Variants in CUX1 observed in about 807,000 individuals in gnomAD.
CUX1 encodes cut like homeobox 1.
Under a neutral mutation model 158.8 loss-of-function variants are expected in CUX1, and 31 were observed. That is an observed-to-expected ratio of 0.20 (90% CI 0.15 to 0.26). The LOEUF (loss-of-function observed/expected upper bound fraction) is 0.26, where lower values mean the gene tolerates loss of function less well. Ranked by LOEUF, CUX1 falls within the 10% of genes least tolerant of loss-of-function variation. CUX1 has a pLI of 1.00. For missense variants in CUX1, 1,589 were observed against 2,014.6 expected, an observed-to-expected ratio of 0.79 and a Z score of 4.04; for synonymous variants, 879 against 862.1, an observed-to-expected ratio of 1.02 and a Z score of -0.34.
intron 23 of CUX1, among the ~76,000 whole-genome samples, chr7:102,243,875 A>C (rs1473708120): frequency 2.0e-5 from 3 of 151,816 alleles, no homozygotes; most frequent in Non-Finnish European, 4.4e-5. Flanking sequence ...TAAAAATACA[A>C]AATTAGCCCG....
Position 102,178,507 on chromosome 7 carries a change from A to G in CUX1, c.867A>G (p.Glu289=), listed in dbSNP as rs974682152. 6.2e-7 allele frequency: 1 copy of G among 1,612,492 alleles called. No individual in the cohort carries two copies. The highest frequency in any genetic ancestry group is 8.5e-7 in the Non-Finnish European group (1 of 1,178,750). ...AGGTGCTGACCCGCTCCAGCCTAGAAGTTGAGTTGGCCGCCAAGGAGCGGG... is the reference window on the plus strand; with the variant it reads ...AGGTGCTGACCCGCTCCAGCCTAGAGGTTGAGTTGGCCGCCAAGGAGCGGG... The part of the protein sequence containing the change: ...AIEVLTRSSL[E]VELAAKEREI... Residue 289 remains glutamate, a synonymous_variant, in exon 11 of 24, where the codon GAA becomes GAG. Coordinates refer to ENST00000292535, the MANE Select transcript of CUX1 (RefSeq NM_181552.4).
chr7:102,028,188 G>A, intron 3 of CUX1, 43 bp downstream of exon 3: 1 of 1,599,026 alleles, frequency 6.3e-7, no homozygotes, highest in Non-Finnish European at 8.6e-7. Context: ...CACCCTTCGT[G>A]GCTAATTGGT....
chr7:102,064,317 T>C (rs1825292907), intron 3 of CUX1, among the ~76,000 whole-genome samples: 1 of 152,166 alleles, frequency 6.6e-6, no homozygotes, highest in Non-Finnish European at 1.5e-5. Flanking sequence ...CCCAAAGTGC[T>C]GGGATTACAG....
At chr7:102,099,839 TG>T (rs372272818) in intron 5 of CUX1, among the ~76,000 whole-genome samples, 3 of 152,144 alleles carry the variant, frequency 2.0e-5, no homozygotes, top group African/African-American at 7.2e-5. Flanking sequence ...CTTCTATCAC[TG>T]GTGCCTAAAT....
intron 17 of CUX1, chr7:102,275,363 A>C: frequency 6.2e-7 from 1 of 1,608,714 alleles, no homozygotes; most frequent in Non-Finnish European, 8.5e-7. Context: ...TGAGGCCGTG[A>C]GTCACATCCT....
At chr7:102,233,884 C>G (rs1799260546) in intron 21 of CUX1, among the ~76,000 whole-genome samples, 168 bp from the exon 22 acceptor site, 1 of 152,192 alleles carries the variant, frequency 6.6e-6, no homozygotes, top group Non-Finnish European at 1.5e-5. Context: ...TATTATAAGT[C>G]TGGTTGAAGA....
intron 5 of CUX1, among the ~76,000 whole-genome samples, chr7:102,103,443 C>G (rs1554487260): frequency 6.6e-6 from 1 of 151,534 alleles, no homozygotes; most frequent in East Asian, 1.9e-4. Flanking sequence ...CTCACTCACT[C>G]ACTCACTCAC....
At chr7:101,870,170 TA>T (rs1306048025) in intron 1 of CUX1, among the ~76,000 whole-genome samples, 3 of 142,328 alleles carry the variant, frequency 2.1e-5, no homozygotes, top group Admixed American at 7.0e-5. Flanking sequence ...TTTTTTTTTT[TA>T]AAGACAGCAT....
chr7:102,074,968 C>T (rs540817462), intron 4 of CUX1, among the ~76,000 whole-genome samples: 15 of 152,330 alleles, frequency 9.8e-5, no homozygotes, highest in African/African-American at 3.1e-4. Flanking sequence ...AAGCGATTCT[C>T]GTGCCTCAGC....
intron 2 of CUX1, among the ~76,000 whole-genome samples, chr7:101,995,510 T>C (rs1225110950): frequency 6.6e-6 from 1 of 152,234 alleles, no homozygotes; most frequent in African/African-American, 2.4e-5. Flanking sequence ...GCAAGGGCCA[T>C]TTACAGTAAA....
intron 3 of CUX1, among the ~76,000 whole-genome samples, chr7:102,065,528 C>CT (rs1313019791): frequency 6.6e-6 from 1 of 152,176 alleles, no homozygotes; most frequent in Non-Finnish European, 1.5e-5. Context: ...GCGGAGGGGA[C>CT]TTTATCATTT....
At chr7:102,118,737 T>G (rs1192619971) in intron 8 of CUX1, among the ~76,000 whole-genome samples, 1 of 151,672 alleles carries the variant, frequency 6.6e-6, no homozygotes, top group African/African-American at 2.4e-5. Flanking sequence ...CACTGGGTGG[T>G]TTTTGTTGTT....
chr7:101,880,259 C>G (rs559393297), intron 1 of CUX1, among the ~76,000 whole-genome samples: 1 of 152,110 alleles, frequency 6.6e-6, no homozygotes, highest in Non-Finnish European at 1.5e-5. Context: ...TCTTCCTGCT[C>G]GTTCACTGTG....
chr7:102,015,713 T>A (rs1346073650), intron 2 of CUX1, among the ~76,000 whole-genome samples: 1 of 152,228 alleles, frequency 6.6e-6, no homozygotes, highest in East Asian at 1.9e-4. Context: ...AGTTCGTGGC[T>A]CCTTTCACTC....
At chr7:101,852,942 T>G (rs1686778888) in intron 1 of CUX1, among the ~76,000 whole-genome samples, 1 of 152,256 alleles carries the variant, frequency 6.6e-6, no homozygotes, top group South Asian at 2.1e-4. Flanking sequence ...CCTCCCAAAG[T>G]GCTGGGATTA....
rs548780482 is a variant in CUX1 at position 102,270,671 on chromosome 7, C to G, written c.1256-2695C>G. ...GGGATGGCCTCCCCCAACCACTCAG[C>G]CCTGCACCCTCAGATCCCCTCAGGA... is the stretch of plus-strand genomic sequence containing the variant. On this transcript the variant is annotated intron_variant, in intron 14 of 22. Coordinates refer to the CUX1 transcript ENST00000292538. 5.2e-4 allele frequency among the ~76,000 whole-genome samples: 79 copies of G among 152,366 alleles called. 1 individual carries two copies. Among genetic ancestry groups the G allele is most frequent in the Admixed American group, 1.0e-3 (16 of 15,300 alleles).
At chr7:102,016,993 T>C (rs1157832886) in intron 2 of CUX1, among the ~76,000 whole-genome samples, 2 of 152,170 alleles carry the variant, frequency 1.3e-5, no homozygotes, top group Non-Finnish European at 2.9e-5. Flanking sequence ...GAGTCCCCTT[T>C]GCAGCAGTGT....
intron 4 of CUX1, among the ~76,000 whole-genome samples, chr7:102,087,550 A>G (rs1376878706): frequency 1.3e-5 from 2 of 152,212 alleles, no homozygotes; most frequent in African/African-American, 4.8e-5. Context: ...GTTGCATTCC[A>G]GCCTGGGCAA....
intron 5 of CUX1, among the ~76,000 whole-genome samples, chr7:102,101,114 C>G (rs1829724669): frequency 1.3e-5 from 2 of 152,192 alleles, no homozygotes; most frequent in South Asian, 4.1e-4. Context: ...GCCCCCATGA[C>G]CCAGACACCT....
Sources: allele counts gnomAD v4.1 joint callset (sites outside exome capture counted in the v4.1 genomes callset), GRCh38; gene constraint gnomAD v4.1.1; transcripts MANE v1.5; gene names NCBI Gene and HGNC (gene_info 2026-07-23, HGNC 2026-07-21).